CHODL: variants seen among roughly 807,000 people sequenced by gnomAD.
CHODL encodes chondrolectin.
Under a neutral mutation model 34.5 loss-of-function variants are expected in CHODL, and 29 were observed. The ratio of observed to expected loss-of-function variants is 0.84; its 90% CI spans 0.63 to 1.15. The LOEUF (loss-of-function observed/expected upper bound fraction) is 1.15, where lower values mean the gene tolerates loss of function less well. CHODL is among the 50% of genes most tolerant of loss of function. CHODL has a pLI of 0.00. For synonymous variants in CHODL, 125 were observed against 116.1 expected, an observed-to-expected ratio of 1.08 and a Z score of -0.49; for missense variants, 332 against 332.5, an observed-to-expected ratio of 1.00 and a Z score of 0.01.
intron 2 of CHODL, among the ~76,000 whole-genome samples, chr21:18,046,201 C>T (rs2064440881): frequency 6.6e-6 from 1 of 151,796 alleles, no homozygotes; most frequent in South Asian, 2.1e-4. Context: ...TCCAAAAGGC[C>T]ACGTAGACAT....
intron 1 of CHODL, among the ~76,000 whole-genome samples, chr21:17,996,632 G>T (rs1386984025): frequency 6.6e-6 from 1 of 152,188 alleles, no homozygotes; most frequent in East Asian, 1.9e-4. Context: ...GGAAATTAAA[G>T]GATAAATGTA....
chr21:18,055,416 A>G (rs1195616815), intron 2 of CHODL, among the ~76,000 whole-genome samples: 4 of 152,032 alleles, frequency 2.6e-5, no homozygotes, highest in Non-Finnish European at 4.4e-5. Flanking sequence ...CTGAGTAGCA[A>G]ATGTGAACCT....
intron 2 of CHODL, among the ~76,000 whole-genome samples, chr21:18,036,583 C>G (rs1042806508): frequency 1.3e-5 from 2 of 151,946 alleles, no homozygotes; most frequent in Admixed American, 1.3e-4. Context: ...AGCGATAGGT[C>G]TTCTTTTGTT....
rs376746401 is a variant in CHODL at position 17,990,940 on chromosome 21, T to A, written c.-144-36932T>A. 1.2e-4 allele frequency among the ~76,000 whole-genome samples: 18 copies of A among 152,244 alleles called. No homozygotes were observed. The East Asian group carries it at 1.5e-3, about 13-fold the overall frequency. On this transcript the variant is annotated intron_variant, in intron 1 of 6. Transcript: ENST00000400127. ...TTCTATCTAATGATATGTTTGGACC[T>A]AATAAATAACCTCTCTTCACCTTCC... is the stretch of plus-strand genomic sequence containing the variant.
intron 2 of CHODL, among the ~76,000 whole-genome samples, chr21:18,131,535 C>G (rs1325647151): frequency 6.6e-6 from 1 of 152,118 alleles, no homozygotes; most frequent in African/African-American, 2.4e-5. Flanking sequence ...AAAATTTACT[C>G]CTGGCCCCAT....
At chr21:18,235,474 A>G (rs1471871658) in intron 2 of CHODL, among the ~76,000 whole-genome samples, 1 of 152,150 alleles carries the variant, frequency 6.6e-6, no homozygotes, top group Admixed American at 6.6e-5. Context: ...GGAGGAGACT[A>G]AACCTAAACC....
At chr21:18,049,120 GAC>G (rs780058002) in intron 2 of CHODL, among the ~76,000 whole-genome samples, 142 of 151,978 alleles carry the variant, frequency 9.3e-4, no homozygotes, top group South Asian at 1.5e-3. Context: ...AATATAAACA[GAC>G]ACAGTGTTTA....
chr21:17,934,351 G>A (rs1356698503), intron 1 of CHODL, among the ~76,000 whole-genome samples: 3 of 152,090 alleles, frequency 2.0e-5, no homozygotes, highest in Non-Finnish European at 4.4e-5. Flanking sequence ...AGAATTTGGG[G>A]TATTTCACCA....
chr21:18,248,644 A>G (rs1341665032), intron 1 of CHODL, among the ~76,000 whole-genome samples: 12 of 128,678 alleles, frequency 9.3e-5, no homozygotes, highest in African/African-American at 3.3e-4. Context: ...ACATATATGT[A>G]TATATTATAT....
intron 1 of CHODL, among the ~76,000 whole-genome samples, chr21:17,964,514 A>G (rs2063556620): frequency 1.3e-5 from 2 of 152,202 alleles, no homozygotes; most frequent in South Asian, 4.1e-4. Context: ...TCTTTTTCAG[A>G]GTAAGTGGGT....
intron 1 of CHODL, among the ~76,000 whole-genome samples, chr21:17,917,757 C>T (rs2063151468): frequency 6.6e-6 from 1 of 152,110 alleles, no homozygotes; most frequent in Non-Finnish European, 1.5e-5. Context: ...TGCTGGGACA[C>T]AGAGAAGAGT....
intron 1 of CHODL, among the ~76,000 whole-genome samples, chr21:17,935,498 G>A (rs60985998): frequency 0.019 from 2,845 of 152,228 alleles, 63 homozygotes; most frequent in African/African-American, 0.055. Context: ...TCTGGTGTGC[G>A]TTTAGACAAA....
chr21:18,133,650 T>G (rs2072684924), intron 2 of CHODL, among the ~76,000 whole-genome samples: 2 of 152,178 alleles, frequency 1.3e-5, no homozygotes, highest in Non-Finnish European at 2.9e-5. Context: ...GGAGAAAGGT[T>G]AGGCAGATTT....
chr21:18,259,926 C>T (rs2074360583), intron 3 of CHODL, among the ~76,000 whole-genome samples: 1 of 152,210 alleles, frequency 6.6e-6, no homozygotes, highest in South Asian at 2.1e-4. Context: ...AGCAGGCTAT[C>T]ATCAGCACAG....
rs922451715 is a variant in CHODL, at chr21:18,066,377, A to G, written c.-45+38406A>G. ...AACCTCAATATGGGAATGTCTCATG[A>G]TTGTTTAATTCATATTTGAATATTT... On this transcript the variant is annotated intron_variant, in intron 2 of 6. Transcript: ENST00000400127. Among the ~76,000 whole-genome samples, 15 of 151,630 alleles carry G rather than the reference A, an allele frequency of 9.9e-5. 1 individual carries two copies. Among genetic ancestry groups the G allele is most frequent in the African/African-American group, 3.4e-4 (14 of 40,988 alleles).
Position 18,262,785 on chromosome 21 carries a change from T to C in CHODL, c.635-6T>C, listed in dbSNP as rs772155794. ...CTTTTCACATGAAGACTGTTTTATT[T>C]TGTAGGTATAATTCCCAATCTAATT... On this transcript the variant is annotated splice_polypyrimidine_tract_variant and splice_region_variant and intron_variant, in intron 4 of 5. Transcript: ENST00000299295. 1 of 1,442,386 alleles carries C rather than the reference T, an allele frequency of 6.9e-7. No individual in the cohort carries two copies. Among genetic ancestry groups the C allele is most frequent in the Non-Finnish European group, 9.7e-7 (1 of 1,026,502 alleles). 89.3% of individuals were successfully genotyped at this position (1,442,386 alleles called of 1,614,324 possible).
At position 18,116,434 on chromosome 21, in the gene CHODL, C is replaced by G. The variant is rs145780887; in HGVS notation, c.-45+88463C>G. ...CAGGTCTTACTGTTTCTAAATGTCT[C>G]TGTGATCTGTTCACTTATATTTGTC... is the stretch of plus-strand genomic sequence containing the variant. On this transcript the variant is annotated intron_variant, in intron 2 of 6. Transcript: ENST00000400127. Among the ~76,000 whole-genome samples, 722 of 152,316 alleles carry G rather than the reference C, an allele frequency of 4.7e-3. 4 individuals are homozygous for G. The highest frequency in any genetic ancestry group is 0.016 in the African/African-American group (683 of 41,580).
intron 2 of CHODL, among the ~76,000 whole-genome samples, chr21:18,109,638 T>C (rs2065322530): frequency 6.6e-6 from 1 of 152,138 alleles, no homozygotes; most frequent in African/African-American, 2.4e-5. Flanking sequence ...TTTCCCCTCA[T>C]CTTTCTGGAG....
rs77266507 is a variant in CHODL at position 18,052,238 on chromosome 21, AT to A, written c.-45+24275del. On this transcript the variant is annotated intron_variant, in intron 2 of 6. Transcript: ENST00000400127. ...GATAAACAGCAGGGCATACATCTGA[AT>A]TTTTTTTAAGTAGTGATTAATTTTA... 8.4e-3 allele frequency among the ~76,000 whole-genome samples: 1,280 copies of A among 151,964 alleles called. 50 individuals are homozygous for A. In the East Asian group the frequency reaches 0.09, roughly 11 times the overall value.
Sources: gnomAD v4.1 joint callset for allele counts (sites outside exome capture counted in the v4.1 genomes callset) on GRCh38, gnomAD v4.1.1 for gene constraint, MANE v1.5 for transcripts, NCBI Gene and HGNC (gene_info 2026-07-23, HGNC 2026-07-21) for gene names.